The following SLC4A10 variants were observed in gnomAD, a reference collection of about 807,000 sequenced individuals.
The protein encoded by SLC4A10 is solute carrier family 4 member 10, also known as sodium-driven chloride bicarbonate exchanger.
Under a neutral mutation model 137.7 loss-of-function variants are expected in SLC4A10, and 42 were observed. That is an observed-to-expected ratio of 0.30 (90% CI 0.24 to 0.39). SLC4A10 has a LOEUF of 0.39. Among genes scored for constraint, SLC4A10 ranks in the 10% least tolerant of loss-of-function variants. The probability of loss-of-function intolerance (pLI) is 1.00; values close to 1 mark genes in which losing one functional copy is unlikely to be tolerated. For missense variants in SLC4A10, 925 were observed against 1,355.0 expected, an observed-to-expected ratio of 0.68 and a Z score of 4.98; for synonymous variants, 474 against 464.1, an observed-to-expected ratio of 1.02 and a Z score of -0.27.
intron 1 of SLC4A10, among the ~76,000 whole-genome samples, chr2:161,713,155 G>A (rs1002535616): frequency 6.6e-6 from 1 of 151,824 alleles, no homozygotes; most frequent in African/African-American, 2.4e-5. Flanking sequence ...CTATAGCCTA[G>A]TGGGATAACT....
chr2:161,649,356 G>T (rs545872446), intron 1 of SLC4A10, among the ~76,000 whole-genome samples: 2 of 152,214 alleles, frequency 1.3e-5, no homozygotes, highest in East Asian at 3.9e-4. Context: ...GCCAGACCTT[G>T]TCTCGAAAAA....
chr2:161,870,876 C>T (rs1291522245), intron 6 of SLC4A10, among the ~76,000 whole-genome samples: 4 of 151,702 alleles, frequency 2.6e-5, no homozygotes, highest in African/African-American at 9.7e-5. Context: ...TTCATCTTCT[C>T]CAAATATATT....
chr2:161,880,251 A>G (rs1477581764), intron 9 of SLC4A10, among the ~76,000 whole-genome samples: 1 of 152,274 alleles, frequency 6.6e-6, no homozygotes, highest in African/African-American at 2.4e-5. Flanking sequence ...TCTTCCAAAC[A>G]TTGAATACCT....
At chr2:161,922,094 G>C (rs142839405) in intron 15 of SLC4A10, among the ~76,000 whole-genome samples, 1 of 152,110 alleles carries the variant, frequency 6.6e-6, no homozygotes, top group Admixed American at 6.5e-5. Context: ...TACAAATGAC[G>C]TAAGTGCTAT....
chr2:161,922,119 G>A (rs188737853), intron 15 of SLC4A10, among the ~76,000 whole-genome samples: 1 of 152,222 alleles, frequency 6.6e-6, no homozygotes, highest in Non-Finnish European at 1.5e-5. Flanking sequence ...TAAAAGTATA[G>A]GATGCCAAGA....
rs138287085 is a variant in SLC4A10 at position 161,778,542 on chromosome 2, T to C, written c.130+7488T>C. Among the ~76,000 whole-genome samples the C allele has an allele frequency of 8.2e-4, 125 of 152,024 alleles. 1 individual carries two copies. The highest frequency in any genetic ancestry group is 2.9e-3 in the African/African-American group (120 of 41,544). ...CATATATATTTCAATAATATGTCAC[T>C]GATCATGCAATACCTTTAATTCATA... On this transcript the variant is annotated intron_variant, in intron 2 of 26. Transcript: ENST00000446997.
intron 1 of SLC4A10, among the ~76,000 whole-genome samples, chr2:161,697,995 TG>T (rs2042725327): frequency 6.6e-6 from 1 of 152,240 alleles, no homozygotes; most frequent in Admixed American, 6.5e-5. Context: ...AGCAGTGGTT[TG>T]TAGTTCTCCT....
In SLC4A10 at chr2:161,903,988, T is replaced by G; in HGVS notation, c.1443-16T>G. The G allele has an allele frequency of 6.4e-7, 1 of 1,551,440 alleles. No homozygotes were observed. Among genetic ancestry groups the G allele is most frequent in the Non-Finnish European group, 8.7e-7 (1 of 1,146,716 alleles). The stretch of plus-strand genomic sequence containing the variant: ...TATATTTGGGTTTCACTATTGTGTT[T>G]TCCCCCCTGTCTTAGGATTTTTGGG... On this transcript the variant is annotated splice_polypyrimidine_tract_variant and intron_variant, in intron 12 of 26. Coordinates refer to ENST00000446997, the MANE Select transcript of SLC4A10 (RefSeq NM_001178015.2).
intron 21 of SLC4A10, among the ~76,000 whole-genome samples, chr2:161,959,809 G>A (rs563708075): frequency 6.6e-6 from 1 of 152,246 alleles, no homozygotes; most frequent in South Asian, 2.1e-4. Flanking sequence ...CAAAGAATTT[G>A]TAGACACATT....
chr2:161,696,559 G>C (rs1178797830), intron 1 of SLC4A10, among the ~76,000 whole-genome samples: 2 of 145,810 alleles, frequency 1.4e-5, no homozygotes, highest in Non-Finnish European at 3.0e-5. Context: ...TGCAGTGTTT[G>C]GTTTTTTGTT....
At position 161,949,444 on chromosome 2, in the gene SLC4A10, C is replaced by T. The variant is rs979771870; in HGVS notation, c.2379+183C>T. Reference sequence around the variant, plus strand: ...CTAATATTTAAAAATATAAGAATTACAAAATATAAATAATTATAAATATAA... The same window carrying T: ...CTAATATTTAAAAATATAAGAATTATAAAATATAAATAATTATAAATATAA... On this transcript the variant is annotated intron_variant, in intron 18 of 26. Coordinates refer to ENST00000446997, the MANE Select transcript of SLC4A10 (RefSeq NM_001178015.2). 2.0e-5 allele frequency among the ~76,000 whole-genome samples: 3 copies of T among 151,430 alleles called. No individual in the cohort carries two copies. In the South Asian group the frequency reaches 6.3e-4, roughly 32 times the overall value.
Position 161,804,535 on chromosome 2 carries a change from A to G in SLC4A10, c.217A>G (p.Arg73Gly), listed in dbSNP as rs776546911. Residue 73 changes from arginine (R) to glycine (G), a missense_variant, in exon 3 of 27, where the codon AGA (arginine) becomes GGA (glycine). Around this residue, in one of 11 missense-constraint regions of SLC4A10, gnomAD observed 138 missense variants for 171.3 expected, o/e 0.81. Coordinates refer to ENST00000446997, the MANE Select transcript of SLC4A10 (RefSeq NM_001178015.2). ...TCACAGGCATCGTGGTCATAAACAC[A>G]GAAAGAGAGACAGAGAAAGAGATTC... ...RRHRHRGHKH[R>G]KRDRERDSGL... The G allele has an allele frequency of 6.2e-7, 1 of 1,613,116 alleles. No individual in the cohort carries two copies. The highest frequency in any genetic ancestry group is 2.2e-5 in the East Asian group (1 of 44,820).
intron 3 of SLC4A10, among the ~76,000 whole-genome samples, chr2:161,838,734 A>G (rs1398687236): frequency 1.3e-5 from 2 of 152,222 alleles, no homozygotes; most frequent in Admixed American, 1.3e-4. Flanking sequence ...ATTGTCAACA[A>G]TAACCATTAT....
chr2:161,640,918 A>G (rs1355515292), intron 1 of SLC4A10, among the ~76,000 whole-genome samples: 2 of 152,152 alleles, frequency 1.3e-5, no homozygotes, highest in Non-Finnish European at 2.9e-5. Flanking sequence ...GGTGAATTTC[A>G]TGGGTAACAA....
chr2:161,797,060 A>G (rs763618380), intron 2 of SLC4A10, among the ~76,000 whole-genome samples: 2 of 152,156 alleles, frequency 1.3e-5, no homozygotes. Context: ...TAAGGATCTC[A>G]GGACATATGT....
chr2:161,882,943 G>A (rs1293751771), intron 10 of SLC4A10, among the ~76,000 whole-genome samples: 4 of 152,112 alleles, frequency 2.6e-5, no homozygotes, highest in African/African-American at 9.7e-5. Flanking sequence ...CAAGGAGCTT[G>A]TGATTTCTGT....
At chr2:161,916,094 C>T (rs1687058697) in intron 15 of SLC4A10, among the ~76,000 whole-genome samples, 1 of 152,182 alleles carries the variant, frequency 6.6e-6, no homozygotes, top group Admixed American at 6.5e-5. Flanking sequence ...TCTTGGACTT[C>T]CAGTTTCCAG....
chr2:161,724,862 A>C (rs1226363366), intron 1 of SLC4A10, among the ~76,000 whole-genome samples: 2 of 152,166 alleles, frequency 1.3e-5, no homozygotes, highest in East Asian at 3.9e-4. Context: ...TTTTCTTCTA[A>C]TGTTTTTCTG....
At chr2:161,800,855 G>A (rs2055301863) in intron 2 of SLC4A10, among the ~76,000 whole-genome samples, 1 of 151,982 alleles carries the variant, frequency 6.6e-6, no homozygotes. Context: ...ATACCACTTT[G>A]CTTATTCCAC....
Sources: allele counts gnomAD v4.1 joint callset (sites outside exome capture counted in the v4.1 genomes callset), GRCh38; gene constraint gnomAD v4.1.1; regional missense constraint gnomAD v4.1.1; transcripts MANE v1.5; gene names NCBI Gene and HGNC (gene_info 2026-07-23, HGNC 2026-07-21).